The following EPS8L3 variants were observed in gnomAD, a reference collection of about 807,000 sequenced individuals.
EPS8L3 encodes EPS8 signaling adaptor L3, also known as epidermal growth factor receptor kinase substrate 8-like protein 3.
In EPS8L3, 80 loss-of-function variants were observed where a neutral mutation model predicts 88.5. The observed-to-expected ratio is 0.90, with a 90% CI of 0.75 to 1.09. The LOEUF is 1.09. Among genes scored for constraint, EPS8L3 ranks in the 50% least tolerant of loss-of-function variants. The pLI, the probability that EPS8L3 is intolerant of heterozygous loss-of-function variation, is 0.00. For missense variants in EPS8L3, 721 were observed against 735.2 expected, an observed-to-expected ratio of 0.98 and a Z score of 0.22; for synonymous variants, 286 against 291.0, an observed-to-expected ratio of 0.98 and a Z score of 0.18.
rs146350732 is a variant in EPS8L3, at chr1:109,750,779, G to A, written c.1651C>T (p.Leu551Phe). Reference sequence around the variant, plus strand: ...AGCTGGCTCCCCGTCAGGGACCCAAGTGTCCTCACCGTGCTGTGAACAAAA... The same window carrying A: ...AGCTGGCTCCCCGTCAGGGACCCAAATGTCCTCACCGTGCTGTGAACAAAA... ...ENFSTATVRTLGSLTGSQLLR... is the reference protein window; with the variant it reads ...ENFSTATVRTFGSLTGSQLLR... The change falls in exon 18 of 19, where the codon CTT becomes TTT. Residue 551 changes from leucine (L) to phenylalanine (F), a missense_variant. By Grantham distance (22) the Leu-to-Phe change is conservative. Coordinates refer to ENST00000361965, the MANE Select transcript of EPS8L3 (RefSeq NM_133181.4). The A allele has an allele frequency of 1.9e-6, 3 of 1,614,100 alleles. No individual in the cohort carries two copies. Among genetic ancestry groups the A allele is most frequent in the Admixed American group, 1.7e-5 (1 of 60,014 alleles).
chr1:109,761,886 C>G, intron 1 of EPS8L3, 113 bp from the exon 2 acceptor site: 1 of 907,376 alleles, frequency 1.1e-6, no homozygotes, highest in Non-Finnish European at 1.7e-6. Flanking sequence ...GGACCAGACC[C>G]AAAGCCCCTG....
chr1:109,750,772 G>A lies in EPS8L3; in HGVS notation c.1658C>T (p.Ser553Phe), dbSNP rs762324303. ...GCGAAGTAGCTGGCTCCCCGTCAGGGACCCAAGTGTCCTCACCGTGCTGTG... is the reference window on the plus strand; with the variant it reads ...GCGAAGTAGCTGGCTCCCCGTCAGGAACCCAAGTGTCCTCACCGTGCTGTG... ...FSTATVRTLG[S>F]LTGSQLLRIR... Residue 553 changes from serine to phenylalanine, a missense_variant, in exon 18 of 19, where the codon TCC (serine) becomes TTC (phenylalanine). Ser to Phe is a radical substitution (Grantham distance 155, BLOSUM62 -2). Coordinates refer to ENST00000361965, the MANE Select transcript of EPS8L3 (RefSeq NM_133181.4). The A allele has an allele frequency of 2.5e-6, 4 of 1,614,192 alleles. No homozygotes were observed. The highest frequency in any genetic ancestry group is 1.1e-5 in the South Asian group (1 of 91,074).
At chr1:109,756,312 C>T (rs1306962214) in intron 12 of EPS8L3, among the ~76,000 whole-genome samples, 1 of 152,236 alleles carries the variant, frequency 6.6e-6, no homozygotes, top group Non-Finnish European at 1.5e-5. Flanking sequence ...GATCTCAGCT[C>T]ACTACAACCT....
intron 1 of EPS8L3, among the ~76,000 whole-genome samples, chr1:109,763,022 C>T (rs1314791342): frequency 6.6e-6 from 1 of 152,202 alleles, no homozygotes; most frequent in East Asian, 1.9e-4. Flanking sequence ...CACATGTCTA[C>T]ATGGTACACC....
In EPS8L3 at chr1:109,750,671, T is replaced by G. The variant is rs1193215473; in HGVS notation, c.1759A>C (p.Arg587=). The change falls in exon 18 of 19, where the codon AGG becomes CGG. Residue 587 remains arginine, a synonymous_variant. Coordinates refer to ENST00000361965, the MANE Select transcript of EPS8L3 (RefSeq NM_133181.4). ...RILSRLEAVR[R]MLGISP Reference sequence around the variant, plus strand: ...CAGGGTGTCCTCACCCCCAGCATCCTTCTGACAGCCTCCAGCCGGGACAGG... The same window carrying G: ...CAGGGTGTCCTCACCCCCAGCATCCGTCTGACAGCCTCCAGCCGGGACAGG... 1 of 1,614,218 alleles carries G rather than the reference T, an allele frequency of 6.2e-7. No individual in the cohort carries two copies. Among genetic ancestry groups the G allele is most frequent in the Admixed American group, 1.7e-5 (1 of 60,030 alleles).
chr1:109,756,715 T>TTGACAAGTGAA (rs1368820708), intron 12 of EPS8L3, among the ~76,000 whole-genome samples: 5 of 152,244 alleles, frequency 3.3e-5, no homozygotes, highest in African/African-American at 9.6e-5. Flanking sequence ...CACTTTGTCC[T>TTGACAAGTGAA]TGACAAAAAT....
Position 109,761,181 on chromosome 1 carries a change from T to G in EPS8L3, c.96+314A>C. On this transcript the variant is annotated intron_variant, in intron 3 of 18. Coordinates refer to ENST00000361965, the MANE Select transcript of EPS8L3 (RefSeq NM_133181.4). ...CAGGGGGTTGGGAGACAGGGGAGGG[T>G]AGGTGGGTGGGTGGTTGTAGGTGCT... 1.7e-5 allele frequency: 5 copies of G among 291,930 alleles called. No homozygotes were observed. The South Asian group carries it at 2.0e-4, about 12-fold the overall frequency. The allele number at this position is 291,930 out of a possible 1,614,324, so 18.1% of individuals were successfully genotyped here.
chr1:109,751,585 A>G (rs1193057032), intron 16 of EPS8L3, 69 bp downstream of exon 16: 1 of 1,607,082 alleles, frequency 6.2e-7, no homozygotes. Context: ...TCTGCTTGCC[A>G]CTGAATCCTC....
intron 3 of EPS8L3, 78 bp downstream of exon 3, chr1:109,761,417 A>G: frequency 1.5e-6 from 2 of 1,303,432 alleles, no homozygotes; most frequent in Non-Finnish European, 1.1e-6. Flanking sequence ...TGAAGTGTCC[A>G]TGTTCTGGCA....
rs1344130869 is a variant in EPS8L3 at position 109,752,694 on chromosome 1, A to G, written c.1227T>C (p.Val409=). Residue 409 remains valine, a synonymous_variant, in exon 14 of 19, where the codon GTT becomes GTC. Coordinates refer to ENST00000361965, the MANE Select transcript of EPS8L3 (RefSeq NM_133181.4). ...SQAPLGYQDP[V]SLRRGSHRLG... Reference sequence around the variant, plus strand: ...TTAAGCTCAGAGCATACCGAAGGGAAACAGGGTCCTGGTATCCTAAGGGTG... The same window carrying G: ...TTAAGCTCAGAGCATACCGAAGGGAGACAGGGTCCTGGTATCCTAAGGGTG... The G allele has an allele frequency of 6.4e-7, 1 of 1,551,890 alleles. No individual in the cohort carries two copies. The highest frequency in any genetic ancestry group is 1.2e-5 in the South Asian group (1 of 84,070).
chr1:109,750,599 C>G (rs1250656179), intron 18 of EPS8L3, 61 bp downstream of exon 18: 1 of 1,609,838 alleles, frequency 6.2e-7, no homozygotes, highest in Non-Finnish European at 8.5e-7. Context: ...AACTGGCCCT[C>G]TCTCTCACCC....
intron 1 of EPS8L3, among the ~76,000 whole-genome samples, chr1:109,762,328 A>G (rs1651066760): frequency 1.3e-5 from 2 of 151,258 alleles, no homozygotes; most frequent in Admixed American, 6.6e-5. Context: ...CAGTGAGCTG[A>G]CCTCCCCCAA....
chr1:109,757,268 G>A (rs1275532646), intron 11 of EPS8L3, 103 bp from the exon 12 acceptor site: 4 of 1,367,086 alleles, frequency 2.9e-6, no homozygotes, highest in Non-Finnish European at 3.9e-6. Context: ...GCAATGGTAG[G>A]ATGTTACCTC....
At chr1:109,758,161 G>A in intron 8 of EPS8L3, 103 bp from the exon 9 acceptor site, 1 of 1,308,566 alleles carries the variant, frequency 7.6e-7, no homozygotes, top group South Asian at 1.3e-5. Context: ...CCCAGCCTCA[G>A]GCCCAGCCTG....
intron 2 of EPS8L3, 27 bp from the exon 3 acceptor site, chr1:109,761,586 G>A: frequency 6.2e-7 from 1 of 1,613,042 alleles, no homozygotes; most frequent in Non-Finnish European, 8.5e-7. Context: ...CAAGGGGCGG[G>A]AGGTGGGCAG....
chr1:109,755,708 A>G (rs934696879), intron 12 of EPS8L3, among the ~76,000 whole-genome samples: 5 of 152,202 alleles, frequency 3.3e-5, no homozygotes, highest in Non-Finnish European at 7.3e-5. Flanking sequence ...GGTCCCAGCT[A>G]TTCGAGAAGG....
At position 109,762,144 on chromosome 1, in the gene EPS8L3, A is replaced by T. The variant is rs189396460; in HGVS notation, c.-24-371T>A. Reference sequence around the variant, plus strand: ...CCTATCTTGGGCCTGGGTATGAAAGATGCTGGATGAGCAGAGGGTTCTGTA... The same window carrying T: ...CCTATCTTGGGCCTGGGTATGAAAGTTGCTGGATGAGCAGAGGGTTCTGTA... On this transcript the variant is annotated intron_variant, in intron 1 of 18. Transcript: ENST00000361965. Among the ~76,000 whole-genome samples, 37 of 152,236 alleles carry T rather than the reference A, an allele frequency of 2.4e-4. 1 individual carries two copies. The highest frequency in any genetic ancestry group is 8.7e-4 in the African/African-American group (36 of 41,536).
intron 6 of EPS8L3, 138 bp downstream of exon 6, chr1:109,758,924 C>G (rs1321685504): frequency 1.0e-6 from 1 of 979,198 alleles, no homozygotes; most frequent in Non-Finnish European, 1.5e-6. Context: ...ATGCCCACCT[C>G]TGTCCTGGCT....
chr1:109,751,889 C>G, intron 15 of EPS8L3, 106 bp downstream of exon 15: 1 of 1,571,926 alleles, frequency 6.4e-7, no homozygotes, highest in Non-Finnish European at 8.6e-7. Flanking sequence ...TTCTCCCTCT[C>G]TAGGCCACCC....
Sources: gnomAD v4.1 joint callset for allele counts (sites outside exome capture counted in the v4.1 genomes callset) on GRCh38, gnomAD v4.1.1 for gene constraint, MANE v1.5 for transcripts, NCBI Gene and HGNC (gene_info 2026-07-23, HGNC 2026-07-21) for gene names.